The following AMD1 variants were observed in gnomAD, a reference collection of about 807,000 sequenced individuals.
AMD1 encodes the protein adenosylmethionine decarboxylase 1.
AMD1 carries 11 observed loss-of-function variants against 40.2 expected under a neutral mutation model. The ratio of observed to expected loss-of-function variants is 0.27; its 90% CI spans 0.17 to 0.45. The LOEUF (loss-of-function observed/expected upper bound fraction) is 0.45, where lower values mean the gene tolerates loss of function less well. Ranked by LOEUF, AMD1 falls within the 20% of genes least tolerant of loss-of-function variation. The probability of loss-of-function intolerance (pLI) is 1.00; values close to 1 mark genes in which losing one functional copy is unlikely to be tolerated. For missense variants in AMD1, 257 were observed against 410.2 expected (o/e 0.63, Z 3.23); for synonymous variants, 121 against 130.8 (o/e 0.93, Z 0.51).
the AMD1 span, among the ~76,000 whole-genome samples, chr6:110,846,770 T>C: frequency 6.6e-6 from 1 of 151,966 alleles, no homozygotes; most frequent in South Asian, 2.1e-4. Flanking sequence ...CTTGGGAGGC[T>C]GAGGCAGGAG....
chr6:110,873,735 TA>T (rs1784963841), upstream of AMD1, among the ~76,000 whole-genome samples: 1 of 152,182 alleles, frequency 6.6e-6, no homozygotes, highest in Non-Finnish European at 1.5e-5. Context: ...ATTTTATACT[TA>T]ACACTTATAA....
the AMD1 span, among the ~76,000 whole-genome samples, chr6:110,847,064 G>T: frequency 8.2e-3 from 528 of 64,088 alleles, no homozygotes; most frequent in African/African-American, 0.031. Flanking sequence ...TGTGTGTGTG[G>T]TGTGTGTGTG....
At position 110,890,035 on chromosome 6, in the gene AMD1, G is replaced by A. The variant is rs1785925121; in HGVS notation, c.325-219G>A. 3 of 443,958 alleles carry A rather than the reference G, an allele frequency of 6.8e-6. No homozygotes were observed. In the South Asian group the frequency reaches 9.8e-5, roughly 15 times the overall value. The allele number at this position is 443,958 out of a possible 1,614,324, so 27.5% of individuals were successfully genotyped here. A position where few individuals can be genotyped will look rare whatever the true frequency, so the allele number is the denominator to read the frequency against. ...AAAAAGAGAGAGAGAGAGAGATGGG[G>A]CCTCAGTATGTTGCCCAGGCTGGAC... On this transcript the variant is annotated intron_variant, in intron 3 of 8. Coordinates refer to ENST00000368885, the MANE Select transcript of AMD1 (RefSeq NM_001634.6).
At chr6:110,817,314 C>T in the AMD1 span, among the ~76,000 whole-genome samples, 1 of 152,160 alleles carries the variant, frequency 6.6e-6, no homozygotes, top group Non-Finnish European at 1.5e-5. Context: ...TTCCTTAGAC[C>T]TTGAGTCTCT....
intron 6 of AMD1, 120 bp from the exon 7 acceptor site, chr6:110,892,615 T>C (rs1695201213): frequency 7.2e-7 from 1 of 1,387,358 alleles, no homozygotes; most frequent in Admixed American, 1.9e-5. Context: ...GTGTTAAGCC[T>C]AGTACCCATT....
In AMD1 at chr6:110,893,766, G is replaced by C. The variant is rs1056067425; in HGVS notation, c.*150G>C. 7 of 818,686 alleles carry C rather than the reference G, an allele frequency of 8.6e-6. No homozygotes were observed. The African/African-American group carries it at 1.0e-4, about 12-fold the overall frequency. The allele number at this position is 818,686 out of a possible 1,614,324, so 50.7% of individuals were successfully genotyped here. ...GATGTAATGATAGTGTAATCATTTT[G>C]AATTGTATGCATTATTATATCAAGG... is the stretch of plus-strand genomic sequence containing the variant. On this transcript the variant is annotated 3_prime_UTR_variant, in exon 9 of 9. Transcript: ENST00000368885.
chr6:110,815,590 G>GC, the AMD1 span: 4,322 of 153,988 alleles, frequency 0.028, 85 homozygotes, highest in South Asian at 0.08. Flanking sequence ...CCACAGCCTC[G>GC]CCCCCACAAA....
chr6:110,876,422 C>T lies in AMD1; in HGVS notation c.110+1207C>T, dbSNP rs551936732. On this transcript the variant is annotated intron_variant, in intron 1 of 8. Transcript: ENST00000368885. ...TCAGAGCCTGGCCCCAGGGTGTGGA[C>T]CAATGGGCGTTTTAGGAGTGTTAGC... Among the ~76,000 whole-genome samples, 148 of 152,168 alleles carry T rather than the reference C, an allele frequency of 9.7e-4. 2 individuals carry two copies. Among genetic ancestry groups the T allele is most frequent in the Non-Finnish European group, 1.7e-3 (113 of 68,024 alleles).
chr6:110,857,091 G>A, the AMD1 span, among the ~76,000 whole-genome samples: 1 of 152,056 alleles, frequency 6.6e-6, no homozygotes, highest in Admixed American at 6.6e-5. Context: ...TTGAACCTGG[G>A]AGGCGGAGGT....
the AMD1 span, chr6:110,815,776 C>T: frequency 1.3e-5 from 2 of 152,422 alleles, no homozygotes; most frequent in African/African-American, 4.8e-5. Context: ...ACTAGCCCCA[C>T]GCAGAGAGTA....
chr6:110,858,274 C>T, the AMD1 span: 2 of 958,166 alleles, frequency 2.1e-6, no homozygotes, highest in East Asian at 2.6e-5. Context: ...ACCCCTCGTA[C>T]GGGCTGTCAG....
the AMD1 span, among the ~76,000 whole-genome samples, chr6:110,823,720 G>A: frequency 6.6e-6 from 1 of 152,122 alleles, no homozygotes; most frequent in African/African-American, 2.4e-5. Flanking sequence ...ATTTAATAGG[G>A]TGTCTTTTCC....
the AMD1 span, among the ~76,000 whole-genome samples, chr6:110,823,208 C>T: frequency 6.6e-6 from 1 of 152,106 alleles, no homozygotes; most frequent in Non-Finnish European, 1.5e-5. Context: ...AAAAACTAGG[C>T]ATAGAAGGAA....
the AMD1 span, among the ~76,000 whole-genome samples, chr6:110,825,666 G>A: frequency 6.6e-6 from 1 of 152,138 alleles, no homozygotes; most frequent in Non-Finnish European, 1.5e-5. Context: ...TCAGATTTCA[G>A]AGCATTTGCT....
chr6:110,839,857 G>T, the AMD1 span, among the ~76,000 whole-genome samples: 1 of 152,018 alleles, frequency 6.6e-6, no homozygotes, highest in Non-Finnish European at 1.5e-5. Context: ...AGGCTATCAG[G>T]TTCGGAAAAG....
At chr6:110,815,469 T>G in the AMD1 span, 12 of 197,898 alleles carry the variant, frequency 6.1e-5, no homozygotes, top group South Asian at 1.7e-3. Context: ...GCGAACTCAC[T>G]GGCCCGCCCC....
chr6:110,815,181 G>A, the AMD1 span: 17 of 1,541,806 alleles, frequency 1.1e-5, no homozygotes, highest in African/African-American at 2.9e-5. Flanking sequence ...GGCCGCCGCC[G>A]CTCAGTCCCT....
the AMD1 span, among the ~76,000 whole-genome samples, chr6:110,851,276 T>C: frequency 1.3e-5 from 2 of 152,128 alleles, no homozygotes; most frequent in South Asian, 4.1e-4. Flanking sequence ...TTTTCTTTTA[T>C]TTTTTAATAA....
chr6:110,886,020 C>G (rs1031246955), intron 1 of AMD1, among the ~76,000 whole-genome samples: 1 of 151,978 alleles, frequency 6.6e-6, no homozygotes, highest in East Asian at 1.9e-4. Context: ...TTTGGGAGGC[C>G]GAGGCAGGCG....
Sources: allele counts gnomAD v4.1 joint callset (sites outside exome capture counted in the v4.1 genomes callset), GRCh38; gene constraint gnomAD v4.1.1; transcripts MANE v1.5; gene names NCBI Gene and HGNC (gene_info 2026-07-23, HGNC 2026-07-21).